DESI2: variants seen among roughly 807,000 people sequenced by gnomAD.
DESI2 encodes deubiquitinase DESI2.
In DESI2, 10 loss-of-function variants were observed where a neutral mutation model predicts 24.1. The observed-to-expected ratio is 0.41, with a 90% confidence interval of 0.26 to 0.70. The LOEUF (loss-of-function observed/expected upper bound fraction) is 0.70. Among genes scored for constraint, DESI2 ranks in the 30% least tolerant of loss-of-function variants. The pLI, the probability that DESI2 is intolerant of heterozygous loss-of-function variation, is 0.29. For missense variants in DESI2, 122 were observed against 234.9 expected, an observed-to-expected ratio of 0.52 and a Z score of 3.14; for synonymous variants, 71 against 87.7, an observed-to-expected ratio of 0.81 and a Z score of 1.06.
chr1:244,686,266 A>ATGTG (rs71574695), intron 1 of DESI2, among the ~76,000 whole-genome samples: 120 of 145,520 alleles, frequency 8.2e-4, no homozygotes, highest in African/African-American at 2.6e-3. Flanking sequence ...GTGTGTGTGT[A>ATGTG]TGTGTGTGTG....
intron 1 of DESI2, among the ~76,000 whole-genome samples, chr1:244,654,263 T>G (rs540449931): frequency 6.6e-6 from 1 of 152,230 alleles, no homozygotes; most frequent in African/African-American, 2.4e-5. Context: ...TTCTGTAGAC[T>G]GGATTAGTAC....
chr1:244,691,160 C>T (rs1403291623), intron 3 of DESI2, among the ~76,000 whole-genome samples: 1 of 152,176 alleles, frequency 6.6e-6, no homozygotes, highest in Non-Finnish European at 1.5e-5. Context: ...ACGATCTCGG[C>T]TCACTGCAAC....
At chr1:244,654,145 T>C (rs1301992391) in intron 1 of DESI2, 2 of 399,788 alleles carry the variant, frequency 5.0e-6, no homozygotes, top group Non-Finnish European at 1.0e-5. Context: ...TTGCCTGATT[T>C]TTGCAGTGAA....
Position 244,673,357 on chromosome 1 carries a change from C to T in DESI2, c.43-13240C>T, listed in dbSNP as rs191146220. ...ACCAAAGAAAAACATCTAATTTATT[C>T]GCTTCATAATGTATATTCTAAACAT... On this transcript the variant is annotated intron_variant, in intron 1 of 4. Coordinates refer to ENST00000302550, the MANE Select transcript of DESI2 (RefSeq NM_016076.5). 9.7e-4 allele frequency among the ~76,000 whole-genome samples: 148 copies of T among 152,330 alleles called. 1 individual carries two copies. The highest frequency in any genetic ancestry group is 3.4e-3 in the Middle Eastern group (1 of 294).
Position 244,691,863 on chromosome 1 carries a change from CT to C in DESI2, c.210-11del. 1 of 1,527,764 alleles carries C rather than the reference CT, an allele frequency of 6.5e-7. No individual in the cohort carries two copies. Among genetic ancestry groups the C allele is most frequent in the Non-Finnish European group, 8.7e-7 (1 of 1,145,454 alleles). 94.6% of individuals were successfully genotyped at this position (1,527,764 alleles called of 1,614,324 possible). A position where few individuals can be genotyped will look rare whatever the true frequency, so the allele number is the denominator to read the frequency against. On this transcript the variant is annotated splice_polypyrimidine_tract_variant and intron_variant, in intron 3 of 4. Transcript: ENST00000302550. The stretch of plus-strand genomic sequence containing the variant: ...CCTTATTTTTCTTTCTCTTTTTTTT[CT>C]TTTTGTTCTTTAAGAGAAGCTGTTG...
rs536386425 is a variant in DESI2, at chr1:244,707,412, G to T, written c.*1623G>T. The T allele has an allele frequency of 1.3e-5, 2 of 152,600 alleles. No homozygotes were observed. Among genetic ancestry groups the T allele is most frequent in the African/African-American group, 4.8e-5 (2 of 41,426 alleles). 9.5% of individuals were successfully genotyped at this position (152,600 alleles called of 1,614,324 possible). The stretch of plus-strand genomic sequence containing the variant: ...TATGCTTTCGACTGTTCTGTTTCCA[G>T]AGAGGAAAGCCTTTACAAATTACTC... On this transcript the variant is annotated 3_prime_UTR_variant, in exon 5 of 5. Coordinates refer to ENST00000302550, the MANE Select transcript of DESI2 (RefSeq NM_016076.5).
chr1:244,663,217 G>A (rs1051573015), intron 1 of DESI2, among the ~76,000 whole-genome samples: 3 of 150,896 alleles, frequency 2.0e-5, no homozygotes, highest in Non-Finnish European at 2.9e-5. Flanking sequence ...ATGGAGTCTC[G>A]CTCTGTCGCC....
intron 4 of DESI2, among the ~76,000 whole-genome samples, chr1:244,703,000 CTTTTT>C (rs72210181): frequency 1.5e-5 from 2 of 131,636 alleles, no homozygotes; most frequent in African/African-American, 5.7e-5. Flanking sequence ...TTTGCCAGCG[CTTTTT>C]TTTTTTTTTT....
intron 1 of DESI2, among the ~76,000 whole-genome samples, chr1:244,666,870 G>A (rs369104227): frequency 1.1e-4 from 17 of 152,236 alleles, no homozygotes; most frequent in East Asian, 9.6e-4. Flanking sequence ...CACTTGTTAC[G>A]TGGTGGCAGC....
chr1:244,677,645 T>C (rs1243828497), intron 1 of DESI2, among the ~76,000 whole-genome samples: 1 of 152,222 alleles, frequency 6.6e-6, no homozygotes, highest in Non-Finnish European at 1.5e-5. Flanking sequence ...GTACTGGGCA[T>C]GGCTCACACC....
chr1:244,682,494 TCTC>T (rs1410749464), intron 1 of DESI2, among the ~76,000 whole-genome samples: 2 of 152,146 alleles, frequency 1.3e-5, no homozygotes, highest in African/African-American at 2.4e-5. Context: ...TCCCAGGAAG[TCTC>T]CTATCTCTTT....
chr1:244,678,458 T>C (rs572478196), intron 1 of DESI2, among the ~76,000 whole-genome samples: 1 of 152,338 alleles, frequency 6.6e-6, no homozygotes, highest in South Asian at 2.1e-4. Context: ...ATTTCTGAGT[T>C]TAGGATGCCC....
rs1676125381 is a variant in DESI2, at chr1:244,668,441, T to C, written c.42+15086T>C. 2.0e-5 allele frequency among the ~76,000 whole-genome samples: 3 copies of C among 152,186 alleles called. No homozygotes were observed. The South Asian group carries it at 6.2e-4, about 31-fold the overall frequency. On this transcript the variant is annotated intron_variant, in intron 1 of 4. Transcript: ENST00000302550. ...ATGGGGCTTTTTAAAAACTCAAAAA[T>C]TGAAATGTCTTCTTTTCCCTGAGCA... is the stretch of plus-strand genomic sequence containing the variant.
chr1:244,682,200 G>T (rs1676640391), intron 1 of DESI2, among the ~76,000 whole-genome samples: 1 of 152,136 alleles, frequency 6.6e-6, no homozygotes. Context: ...GGCTTGGGTG[G>T]CCAGCTTTTA....
At chr1:244,664,383 A>G (rs1370683187) in intron 1 of DESI2, among the ~76,000 whole-genome samples, 1 of 152,232 alleles carries the variant, frequency 6.6e-6, no homozygotes. Context: ...AATCAAACCT[A>G]CAGGGAAAAG....
intron 4 of DESI2, among the ~76,000 whole-genome samples, chr1:244,701,023 G>T (rs1677430176): frequency 6.6e-6 from 1 of 152,134 alleles, no homozygotes; most frequent in Non-Finnish European, 1.5e-5. Context: ...AGCCTGCCTT[G>T]TTGCTTATAG....
intron 1 of DESI2, among the ~76,000 whole-genome samples, chr1:244,685,565 C>T (rs954968808): frequency 3.3e-5 from 5 of 151,998 alleles, no homozygotes; most frequent in Admixed American, 6.6e-5. Flanking sequence ...TTTTTATCCA[C>T]GCTCGGCCCC....
intron 1 of DESI2, among the ~76,000 whole-genome samples, chr1:244,683,517 T>C (rs991037266): frequency 6.6e-6 from 1 of 152,072 alleles, no homozygotes; most frequent in Non-Finnish European, 1.5e-5. Context: ...TTCACCATGT[T>C]AGCCAGGGTG....
intron 1 of DESI2, among the ~76,000 whole-genome samples, chr1:244,657,390 G>A (rs749714153): frequency 2.0e-5 from 3 of 152,112 alleles, no homozygotes; most frequent in Non-Finnish European, 2.9e-5. Flanking sequence ...TGTCCACAGC[G>A]CACATTCTTC....
Sources: allele counts gnomAD v4.1 joint callset (sites outside exome capture counted in the v4.1 genomes callset), GRCh38; gene constraint gnomAD v4.1.1; transcripts MANE v1.5; gene names NCBI Gene and HGNC (gene_info 2026-07-23, HGNC 2026-07-21).